Variants in MAPK10 observed in about 807,000 individuals in gnomAD.
The protein encoded by MAPK10 is JNK3 alpha protein kinase.
In MAPK10, 25 loss-of-function variants were observed where a neutral mutation model predicts 59.3. The ratio of observed to expected loss-of-function variants is 0.42; its 90% CI spans 0.31 to 0.59. The LOEUF (loss-of-function observed/expected upper bound fraction) is 0.59. MAPK10 is among the 20% of genes least tolerant of loss of function. The probability of loss-of-function intolerance (pLI) is 0.15; values close to 1 mark genes in which losing one functional copy is unlikely to be tolerated. For synonymous variants in MAPK10, 190 were observed against 200.5 expected (o/e 0.95, Z 0.44); for missense variants, 351 against 568.9 (o/e 0.62, Z 3.90).
At chr4:86,107,429 T>A (rs1289767297) in intron 4 of MAPK10, 77 bp from the exon 5 acceptor site, 20 of 1,532,270 alleles carry the variant, frequency 1.3e-5, no homozygotes, top group Non-Finnish European at 2.6e-6. Flanking sequence ...TTAAGGATAC[T>A]GGTAAAGAAA....
intron 2 of MAPK10, among the ~76,000 whole-genome samples, chr4:86,221,837 C>A (rs1233492041): frequency 2.0e-5 from 3 of 152,042 alleles, no homozygotes; most frequent in African/African-American, 7.2e-5. Flanking sequence ...GGAGGTGGGA[C>A]TTGGTGGGAG....
intron 11 of MAPK10, among the ~76,000 whole-genome samples, chr4:86,048,421 C>A (rs2042917099): frequency 6.6e-6 from 1 of 151,938 alleles, no homozygotes; most frequent in Admixed American, 6.6e-5. Flanking sequence ...CACATTAGCC[C>A]CAAGGATATT....
At chr4:86,472,303 T>G (rs1214643751) in intron 1 of MAPK10, among the ~76,000 whole-genome samples, 1 of 152,228 alleles carries the variant, frequency 6.6e-6, no homozygotes, top group African/African-American at 2.4e-5. Context: ...TAAGTGGTAT[T>G]TATGGATCTT....
chr4:86,416,531 C>A (rs1049005801), intron 1 of MAPK10, among the ~76,000 whole-genome samples: 3 of 152,200 alleles, frequency 2.0e-5, no homozygotes, highest in Non-Finnish European at 1.5e-5. Flanking sequence ...CTTCCTATAT[C>A]TCTCATCTGT....
intron 2 of MAPK10, among the ~76,000 whole-genome samples, chr4:86,330,283 C>T (rs1455779322): frequency 6.6e-6 from 1 of 152,136 alleles, no homozygotes; most frequent in Non-Finnish European, 1.5e-5. Context: ...CAGGATTTAC[C>T]AAGTGAATCA....
At chr4:86,111,704 C>G (rs1362218447) in intron 4 of MAPK10, among the ~76,000 whole-genome samples, 1 of 152,054 alleles carries the variant, frequency 6.6e-6, no homozygotes, top group Non-Finnish European at 1.5e-5. Context: ...TTTGTTATAT[C>G]TCTGCCAGGT....
intron 4 of MAPK10, 47 bp from the exon 5 acceptor site, chr4:86,107,399 T>C (rs751004933): frequency 6.3e-7 from 1 of 1,586,164 alleles, no homozygotes; most frequent in Admixed American, 1.8e-5. Context: ...AAAGATTCCT[T>C]AGAACTCTTG....
chr4:86,197,012 C>G (rs1313392662), intron 2 of MAPK10, among the ~76,000 whole-genome samples: 2 of 152,100 alleles, frequency 1.3e-5, no homozygotes, highest in African/African-American at 2.4e-5. Flanking sequence ...CAGCATTGTT[C>G]TTTTTGCTTA....
At chr4:86,102,652 C>T (rs2055692514) in intron 6 of MAPK10, among the ~76,000 whole-genome samples, 1 of 152,176 alleles carries the variant, frequency 6.6e-6, no homozygotes, top group Non-Finnish European at 1.5e-5. Context: ...TCCTGAATAG[C>T]TGGGACTACA....
intron 1 of MAPK10, among the ~76,000 whole-genome samples, chr4:86,582,243 G>A (rs1762361535): frequency 6.6e-6 from 1 of 151,876 alleles, no homozygotes. Flanking sequence ...CTTTTGAGAA[G>A]AAGAAATTTG....
rs753508493 is a variant in MAPK10 at position 86,550,374 on chromosome 4, T to TAAAAAAAAAAAA, written c.-263+43524_-263+43535dup. 2.8e-4 allele frequency among the ~76,000 whole-genome samples: 22 copies of TAAAAAAAAAAAA among 77,392 alleles called. 5 individuals carry two copies. Among genetic ancestry groups the TAAAAAAAAAAAA allele is most frequent in the Admixed American group, 3.8e-4 (3 of 7,896 alleles). 50.8% of individuals were successfully genotyped at this position (77,392 alleles called of 152,430 possible). On this transcript the variant is annotated intron_variant, in intron 1 of 4. Coordinates refer to the MAPK10 transcript ENST00000502302. Reference sequence around the variant, plus strand: ...CAGAAGGGCTAAGCAGAGCTTCAGTTAAAAAAAAAAAAAAAAAAAAAAAAA... The same window carrying TAAAAAAAAAAAA: ...CAGAAGGGCTAAGCAGAGCTTCAGTTAAAAAAAAAAAAAAAAAAAAAAAAAAAAAAAAAAAAA...
chr4:86,111,540 C>T (rs912126174), intron 4 of MAPK10, among the ~76,000 whole-genome samples: 1 of 152,050 alleles, frequency 6.6e-6, no homozygotes. Flanking sequence ...TATTGATTTG[C>T]GTATGTTAAA....
intron 1 of MAPK10, among the ~76,000 whole-genome samples, chr4:86,405,735 A>G (rs931323488): frequency 1.3e-5 from 2 of 152,250 alleles, no homozygotes; most frequent in Non-Finnish European, 2.9e-5. Flanking sequence ...CTTAGCTGGC[A>G]AAGATCTAGA....
chr4:86,224,176 T>C (rs572640645), intron 2 of MAPK10, among the ~76,000 whole-genome samples: 1 of 152,336 alleles, frequency 6.6e-6, no homozygotes, highest in African/African-American at 2.4e-5. Context: ...AAAATATTTA[T>C]TTAATGCATA....
At chr4:86,208,954 ATAGT>A (rs1225488537) in intron 2 of MAPK10, among the ~76,000 whole-genome samples, 2 of 152,090 alleles carry the variant, frequency 1.3e-5, no homozygotes, top group Non-Finnish European at 1.5e-5. Flanking sequence ...GATTAATACA[ATAGT>A]TAGTATATAA....
chr4:86,289,664 T>C (rs1445862738), intron 2 of MAPK10, among the ~76,000 whole-genome samples: 1 of 150,332 alleles, frequency 6.7e-6, no homozygotes, highest in African/African-American at 2.4e-5. Context: ...TTATAATGCA[T>C]TTTATAATTA....
intron 1 of MAPK10, among the ~76,000 whole-genome samples, chr4:86,568,001 C>T (rs556650697): frequency 3.9e-5 from 6 of 152,164 alleles, no homozygotes; most frequent in Admixed American, 6.5e-5. Context: ...AAGAGACAGT[C>T]GAATATCTCT....
chr4:86,030,168 G>A (rs2038670818), intron 12 of MAPK10, among the ~76,000 whole-genome samples: 1 of 151,726 alleles, frequency 6.6e-6, no homozygotes, highest in Non-Finnish European at 1.5e-5. Context: ...GTCCTTACTT[G>A]GATCAAAGCA....
chr4:86,504,627 G>C (rs1755587040), intron 1 of MAPK10, among the ~76,000 whole-genome samples: 1 of 152,044 alleles, frequency 6.6e-6, no homozygotes, highest in African/African-American at 2.4e-5. Flanking sequence ...TTTTCATCAA[G>C]TTGTCTATAA....
Sources: gnomAD v4.1 joint callset for allele counts (sites outside exome capture counted in the v4.1 genomes callset) on GRCh38, gnomAD v4.1.1 for gene constraint, MANE v1.5 for transcripts, NCBI Gene and HGNC (gene_info 2026-07-23, HGNC 2026-07-21) for gene names.